HCN1: variants seen among roughly 807,000 people sequenced by gnomAD.
HCN1 encodes hyperpolarization activated cyclic nucleotide gated potassium channel 1.
A neutral mutation model predicts 78.9 loss-of-function variants in HCN1; 13 were observed. The ratio of observed to expected loss-of-function variants is 0.16; its 90% CI spans 0.11 to 0.26. The LOEUF (loss-of-function observed/expected upper bound fraction) is 0.26. Ranked by LOEUF, HCN1 falls within the 10% of genes least tolerant of loss-of-function variation. The pLI is 1.00. For missense variants in HCN1, 810 were observed against 1,154.3 expected, an observed-to-expected ratio of 0.70 and a Z score of 4.32; for synonymous variants, 552 against 455.5, an observed-to-expected ratio of 1.21 and a Z score of -2.70.
intron 2 of HCN1, among the ~76,000 whole-genome samples, chr5:45,544,088 A>C (rs1360893192): frequency 6.6e-6 from 1 of 152,062 alleles, no homozygotes; most frequent in Non-Finnish European, 1.5e-5. Flanking sequence ...GGCATCAAAT[A>C]CTTATCTGCT....
At chr5:45,515,001 T>C (rs1405945157) in intron 2 of HCN1, among the ~76,000 whole-genome samples, 1 of 151,970 alleles carries the variant, frequency 6.6e-6, no homozygotes, top group African/African-American at 2.4e-5. Context: ...ATTGGTAATA[T>C]GCTTTCTTAT....
At chr5:45,485,657 T>TA (rs573892729) in intron 2 of HCN1, among the ~76,000 whole-genome samples, 89 of 151,908 alleles carry the variant, frequency 5.9e-4, no homozygotes, top group African/African-American at 2.1e-3. Flanking sequence ...TCACTACTTG[T>TA]AAAAAAAATA....
chr5:45,290,043 A>G (rs568462706), intron 6 of HCN1, among the ~76,000 whole-genome samples: 1 of 151,962 alleles, frequency 6.6e-6, no homozygotes, highest in Admixed American at 6.6e-5. Flanking sequence ...CTGGTGGGAG[A>G]AATCATGGAG....
intron 1 of HCN1, among the ~76,000 whole-genome samples, chr5:45,648,497 T>C (rs1745592535): frequency 6.6e-6 from 1 of 152,172 alleles, no homozygotes; most frequent in African/African-American, 2.4e-5. Context: ...TGCTTTTATA[T>C]GCTTACATAA....
chr5:45,677,563 T>C (rs1393066688), intron 1 of HCN1, among the ~76,000 whole-genome samples: 1 of 151,864 alleles, frequency 6.6e-6, no homozygotes, highest in Non-Finnish European at 1.5e-5. Context: ...AAGAAGGAGG[T>C]TAAATGACAT....
intron 5 of HCN1, among the ~76,000 whole-genome samples, chr5:45,309,373 A>T (rs975764822): frequency 7.9e-5 from 12 of 151,928 alleles, no homozygotes; most frequent in Non-Finnish European, 1.8e-4. Context: ...TCTCTTTCCT[A>T]ATTGCTATGG....
chr5:45,520,493 T>C (rs1305813037), intron 2 of HCN1, among the ~76,000 whole-genome samples: 3 of 152,070 alleles, frequency 2.0e-5, no homozygotes, highest in Non-Finnish European at 2.9e-5. Context: ...CTGTATTTGT[T>C]ATCCACCTAG....
chr5:45,629,025 T>C (rs1260760424), intron 2 of HCN1, among the ~76,000 whole-genome samples: 1 of 149,010 alleles, frequency 6.7e-6, no homozygotes, highest in African/African-American at 2.5e-5. Context: ...TTAAAAAACA[T>C]ATATTATACA....
intron 1 of HCN1, among the ~76,000 whole-genome samples, chr5:45,658,245 G>C (rs1002912907): frequency 7.9e-5 from 12 of 152,142 alleles, no homozygotes; most frequent in Non-Finnish European, 1.3e-4. Flanking sequence ...ATTCCAGATG[G>C]ATTAAAGACT....
Position 45,462,022 on chromosome 5 carries a change from A to T in HCN1, c.850-15T>A, listed in dbSNP as rs1478266546. ...ATGTGGAATATCTGTTGACCAAAAT[A>T]TAAAATCAATTCTTATAATCAATTT... On this transcript the variant is annotated splice_polypyrimidine_tract_variant and intron_variant, in intron 2 of 7. Transcript: ENST00000303230. The T allele has an allele frequency of 2.5e-6, 4 of 1,606,684 alleles. No individual in the cohort carries two copies. Among genetic ancestry groups the T allele is most frequent in the Non-Finnish European group, 3.4e-6 (4 of 1,174,802 alleles).
At chr5:45,610,349 G>C (rs1390819725) in intron 2 of HCN1, among the ~76,000 whole-genome samples, 1 of 151,784 alleles carries the variant, frequency 6.6e-6, no homozygotes. Context: ...TACAACTGTG[G>C]ATACAGAAAG....
At chr5:45,669,132 T>C (rs1746104426) in intron 1 of HCN1, among the ~76,000 whole-genome samples, 1 of 151,874 alleles carries the variant, frequency 6.6e-6, no homozygotes, top group South Asian at 2.1e-4. Context: ...AAGTTTTAGT[T>C]TGTAGAAATT....
chr5:45,683,561 T>C (rs1739746632), intron 1 of HCN1, among the ~76,000 whole-genome samples: 1 of 152,114 alleles, frequency 6.6e-6, no homozygotes. Flanking sequence ...ACCAGGTAGC[T>C]AGCCTCAAAA....
At chr5:45,411,617 T>C (rs1378997316) in intron 3 of HCN1, among the ~76,000 whole-genome samples, 1 of 152,044 alleles carries the variant, frequency 6.6e-6, no homozygotes, top group Non-Finnish European at 1.5e-5. Context: ...ATTTTACCTT[T>C]AGGAAATAAG....
chr5:45,445,048 C>T (rs1345369813), intron 3 of HCN1, among the ~76,000 whole-genome samples: 1 of 152,192 alleles, frequency 6.6e-6, no homozygotes, highest in Non-Finnish European at 1.5e-5. Context: ...ACAGTGGGTG[C>T]AGCGCACCGT....
intron 5 of HCN1, among the ~76,000 whole-genome samples, chr5:45,312,735 A>AG (rs752207990): frequency 2.7e-4 from 41 of 152,276 alleles, no homozygotes; most frequent in Non-Finnish European, 5.9e-4. Flanking sequence ...CACCTGGCTC[A>AG]GGGGGTCCCA....
rs562252573 is a variant in HCN1, at chr5:45,598,092, G to C, written c.849+47093C>G. 1.7e-4 allele frequency among the ~76,000 whole-genome samples: 26 copies of C among 152,220 alleles called. No individual in the cohort carries two copies. In the South Asian group the frequency reaches 5.0e-3, roughly 29 times the overall value. On this transcript the variant is annotated intron_variant, in intron 2 of 7. Transcript: ENST00000303230. ...TTAAAGCTCATATGGAACCAAAAAA[G>C]AGCCTGCATTGCCAAGACAATCCTA...
chr5:45,563,114 T>C (rs1209858298), intron 2 of HCN1, among the ~76,000 whole-genome samples: 1 of 152,226 alleles, frequency 6.6e-6, no homozygotes. Context: ...ATACCTGGAT[T>C]TATCTTTCTT....
intron 3 of HCN1, among the ~76,000 whole-genome samples, chr5:45,456,822 C>T (rs2111613292): frequency 6.6e-6 from 1 of 152,100 alleles, no homozygotes; most frequent in East Asian, 1.9e-4. Context: ...CCAAGTTTTT[C>T]TTCATTTTGA....
Sources: allele counts gnomAD v4.1 joint callset (sites outside exome capture counted in the v4.1 genomes callset), GRCh38; gene constraint gnomAD v4.1.1; transcripts MANE v1.5; gene names NCBI Gene and HGNC (gene_info 2026-07-23, HGNC 2026-07-21).